Variants in HPX observed in about 807,000 individuals in gnomAD.
HPX encodes beta-1B-glycoprotein.
HPX carries 42 observed loss-of-function variants against 53.8 expected under a neutral mutation model. That is an observed-to-expected ratio of 0.78 (90% CI 0.61 to 1.01). The LOEUF is 1.01. Among genes scored for constraint, HPX ranks in the 50% least tolerant of loss-of-function variants. The probability of loss-of-function intolerance (pLI) is 0.00; values close to 1 mark genes in which losing one functional copy is unlikely to be tolerated. For missense variants in HPX, 547 were observed against 594.3 expected, an observed-to-expected ratio of 0.92 and a Z score of 0.83; for synonymous variants, 229 against 221.1, an observed-to-expected ratio of 1.04 and a Z score of -0.32.
chr11:6,435,269 C>T (rs1291667125), intron 7 of HPX, among the ~76,000 whole-genome samples: 1 of 151,658 alleles, frequency 6.6e-6, no homozygotes, highest in Non-Finnish European at 1.5e-5. Context: ...AGTGAGACTC[C>T]ATCTCAAACA....
At chr11:6,432,923 C>T (rs1849368061) in intron 7 of HPX, among the ~76,000 whole-genome samples, 2 of 152,166 alleles carry the variant, frequency 1.3e-5, no homozygotes, top group Admixed American at 6.5e-5. Context: ...AATCTGTTCT[C>T]GTCAGCTCTG....
At chr11:6,438,554 C>A in intron 4 of HPX, 45 bp from the exon 5 acceptor site, 1 of 1,556,852 alleles carries the variant, frequency 6.4e-7, no homozygotes. Context: ...TCCCCAGATA[C>A]TGCCACTCTG....
chr11:6,438,550 G>A (rs768085840), intron 4 of HPX, 41 bp from the exon 5 acceptor site: 81 of 1,579,228 alleles, frequency 5.1e-5, no homozygotes, highest in Non-Finnish European at 7.0e-5. Flanking sequence ...TGCATCCCCA[G>A]ATACTGCCAC....
chr11:6,437,142 T>C lies in HPX; in HGVS notation c.739A>G (p.Ser247Gly). The change falls in exon 7 of 10, where the codon AGT becomes GGT. Residue 247 changes from serine to glycine, a missense_variant. Coordinates refer to ENST00000265983, the MANE Select transcript of HPX (RefSeq NM_000613.3). The stretch of plus-strand genomic sequence containing the variant: ...ATATACTCAGGGCCATGGTGGGTAC[T>C]GTTCCCATGGCCAGTCCCATTCCTG... The part of the protein sequence containing the change: ...GHRNGTGHGN[S>G]THHGPEYMRC... 1.9e-6 allele frequency: 3 copies of C among 1,614,050 alleles called. No homozygotes were observed. The highest frequency in any genetic ancestry group is 2.5e-6 in the Non-Finnish European group (3 of 1,179,924).
chr11:6,434,968 C>T (rs2134133852), intron 7 of HPX, among the ~76,000 whole-genome samples: 1 of 152,210 alleles, frequency 6.6e-6, no homozygotes. Context: ...GTTGCTCATG[C>T]CTGTAATCCT....
chr11:6,440,098 G>A (rs745674569), intron 4 of HPX, 67 bp downstream of exon 4: 3 of 1,603,048 alleles, frequency 1.9e-6, no homozygotes, highest in Admixed American at 1.7e-5. Context: ...AAGGCCATTT[G>A]GGGGAAGGGT....
At position 6,440,239 on chromosome 11, in the gene HPX, C is replaced by A. The variant is rs1299375549; in HGVS notation, c.262G>T (p.Glu88Ter). 6.2e-7 allele frequency: 1 copy of A among 1,613,928 alleles called. No homozygotes were observed. The highest frequency in any genetic ancestry group is 8.5e-7 in the Non-Finnish European group (1 of 1,180,024). The change falls in exon 4 of 10, where the codon GAG (glutamate) becomes TAG (stop). Residue 88 changes from glutamate to a stop codon, truncating the protein, a stop_gained. Transcript: ENST00000265983. LOFTEE classifies it high-confidence loss of function. ...GGGCTGGGGAAATTCTTCCATCTCT[C>A]TGAGATTAACTCCCGGTCCCATTTG... is the stretch of plus-strand genomic sequence containing the variant. Reference protein sequence around the residue: ...SHKWDRELISERWKNFPSPVD... With the variant: ...SHKWDRELIS
rs1849464820 is a variant in HPX at position 6,440,218 on chromosome 11, T to TG, written c.282dup (p.Ser95GlnfsTer28). 1.2e-6 allele frequency: 2 copies of TG among 1,613,986 alleles called. No individual in the cohort carries two copies. The highest frequency in any genetic ancestry group is 2.7e-5 in the African/African-American group (2 of 74,896). The stretch of plus-strand genomic sequence containing the variant: ...TGACGGAATGCAGCATCCACAGGGC[T>TG]GGGGAAATTCTTCCATCTCTCTGAG... On this transcript the variant is annotated frameshift_variant, in exon 4 of 10. Transcript: ENST00000265983. LOFTEE classifies it high-confidence loss of function.
At position 6,440,567 on chromosome 11, in the gene HPX, T is replaced by TAAAAAAAAA. The variant is rs71056749; in HGVS notation, c.143-38_143-30dup. On this transcript the variant is annotated intron_variant, in intron 2 of 9. Coordinates refer to ENST00000265983, the MANE Select transcript of HPX (RefSeq NM_000613.3). ...GGGTGGAGGTAGGGAGATGGCAAAG[T>TAAAAAAAAA]AAAAAAAAAAAAAAAAAAAAAAAAA... 80 of 591,176 alleles carry TAAAAAAAAA rather than the reference T, an allele frequency of 1.4e-4. 2 individuals carry two copies. Among genetic ancestry groups the TAAAAAAAAA allele is most frequent in the Middle Eastern group, 4.9e-4 (1 of 2,058 alleles). The allele number at this position is 591,176 out of a possible 1,614,324, so 36.6% of individuals were successfully genotyped here.
chr11:6,439,890 T>C, intron 4 of HPX: 1 of 462,066 alleles, frequency 2.2e-6, no homozygotes, highest in Non-Finnish European at 4.0e-6. Flanking sequence ...AGGGAAGCAA[T>C]TGCCAGAGAA....
chr11:6,432,353 TAC>T (rs1190324030), intron 7 of HPX: 4 of 289,322 alleles, frequency 1.4e-5, no homozygotes, highest in Non-Finnish European at 2.6e-5. Context: ...GATAATGAAA[TAC>T]AGTGTCCAGA....
chr11:6,432,203 C>A (rs7933782), intron 7 of HPX, 186 bp from the exon 8 acceptor site: 2 of 642,438 alleles, frequency 3.1e-6, no homozygotes, highest in South Asian at 2.0e-5. Context: ...TGTGCCCTGG[C>A]TGAAACTGGA....
rs546374893 is a variant in HPX, at chr11:6,431,269, G to T, written c.1331C>A (p.Ala444Glu). Residue 444 changes from alanine to glutamate, a missense_variant, in exon 10 of 10, where the codon GCA becomes GAA. By Grantham distance (107) the Ala-to-Glu change is moderately radical (BLOSUM62 -1). Transcript: ENST00000265983. ...CTGGGGTTGCGGAAGGGCCTTGGCT[G>T]CATTCAGTTTCTCCACATCACTGTA... ...YCYSDVEKLN[A>E]AKALPQPQNV... 1 of 1,614,266 alleles carries T rather than the reference G, an allele frequency of 6.2e-7. No homozygotes were observed. The highest frequency in any genetic ancestry group is 2.2e-5 in the East Asian group (1 of 44,886).
chr11:6,440,311 G>A (rs1298223937), intron 3 of HPX, 25 bp from the exon 4 acceptor site: 2 of 1,613,208 alleles, frequency 1.2e-6, no homozygotes, highest in Non-Finnish European at 1.7e-6. Flanking sequence ...ACTCACTGAG[G>A]GGCCCAGTGA....
At chr11:6,437,719 G>A in intron 5 of HPX, 67 bp from the exon 6 acceptor site, 1 of 1,269,138 alleles carries the variant, frequency 7.9e-7, no homozygotes, top group Non-Finnish European at 1.1e-6. Context: ...CTTTCTCTGG[G>A]TCCCAGGATG....
At position 6,440,458 on chromosome 11, in the gene HPX, C is replaced by G; in HGVS notation, c.214+9G>C. On this transcript the variant is annotated intron_variant, in intron 3 of 9. Transcript: ENST00000265983. ...AGGTCCTAAACGCCCTAACCTCAGTCCCTCCTACCTTTAAAAAACAGCATG... is the reference window on the plus strand; with the variant it reads ...AGGTCCTAAACGCCCTAACCTCAGTGCCTCCTACCTTTAAAAAACAGCATG... The G allele has an allele frequency of 6.2e-7, 1 of 1,609,090 alleles. No individual in the cohort carries two copies. The highest frequency in any genetic ancestry group is 1.1e-5 in the South Asian group (1 of 90,544).
Position 6,431,944 on chromosome 11 carries a change from C to G in HPX, c.909G>C (p.Gln303His). 3 of 1,614,204 alleles carry G rather than the reference C, an allele frequency of 1.9e-6. No homozygotes were observed. Among genetic ancestry groups the G allele is most frequent in the Non-Finnish European group, 2.5e-6 (3 of 1,180,028 alleles). ...HSWPIAHQWP[Q>H]GPSAVDAAFS... is the part of the protein sequence containing the mutation. The stretch of plus-strand genomic sequence containing the variant: ...AGGCAGCATCCACTGCTGAAGGACC[C>G]TGGGGCCACTGATGAGCAATGGGCC... The change falls in exon 8 of 10, where the codon CAG (glutamine) becomes CAC (histidine). Residue 303 changes from glutamine to histidine, a missense_variant. Physicochemically the swap from Gln to His is conservative, Grantham distance 24. Transcript: ENST00000265983.
intron 7 of HPX, among the ~76,000 whole-genome samples, chr11:6,435,394 C>T (rs1254941575): frequency 6.6e-6 from 1 of 150,686 alleles, no homozygotes; most frequent in African/African-American, 2.5e-5. Flanking sequence ...CAAAATAGTG[C>T]ATTCTCACCT....
chr11:6,439,054 T>C (rs1849453171), intron 4 of HPX, among the ~76,000 whole-genome samples: 1 of 152,156 alleles, frequency 6.6e-6, no homozygotes, highest in African/African-American at 2.4e-5. Flanking sequence ...ACAGAGTGCC[T>C]AAGTCTGCCT....
Sources: allele counts gnomAD v4.1 joint callset (sites outside exome capture counted in the v4.1 genomes callset), GRCh38; gene constraint gnomAD v4.1.1; transcripts MANE v1.5; gene names NCBI Gene and HGNC (gene_info 2026-07-23, HGNC 2026-07-21).